The following TRAPPC8 variants were observed in gnomAD, a reference collection of about 807,000 sequenced individuals.
The protein encoded by TRAPPC8 is trafficking protein particle complex subunit 8, also known as general sporulation gene 1 homolog.
Under a neutral mutation model 174.3 loss-of-function variants are expected in TRAPPC8, and 54 were observed. The ratio of observed to expected loss-of-function variants is 0.31; its 90% CI spans 0.25 to 0.39. TRAPPC8 has a LOEUF of 0.39. TRAPPC8 is among the 10% of genes least tolerant of loss of function. The pLI, the probability that TRAPPC8 is intolerant of heterozygous loss-of-function variation, is 1.00. For missense variants in TRAPPC8, 1,531 were observed against 1,699.1 expected (o/e 0.90, Z 1.74); for synonymous variants, 630 against 579.9 (o/e 1.09, Z -1.24).
At chr18:31,901,139 T>G (rs774314401) in intron 9 of TRAPPC8, 114 bp from the exon 10 acceptor site, 90 of 801,730 alleles carry the variant, frequency 1.1e-4, no homozygotes, top group Non-Finnish European at 1.6e-4. Context: ...TGGATACACA[T>G]GTATAAACTT....
intron 12 of TRAPPC8, among the ~76,000 whole-genome samples, chr18:31,884,606 A>G (rs1166549320): frequency 1.3e-5 from 2 of 152,162 alleles, no homozygotes; most frequent in Admixed American, 6.6e-5. Context: ...TACCAAGAAA[A>G]GGCTTTTTTT....
chr18:31,909,538 A>T, intron 6 of TRAPPC8, 129 bp downstream of exon 6: 2 of 1,400,376 alleles, frequency 1.4e-6, no homozygotes, highest in Non-Finnish European at 1.8e-6. Context: ...CAGAAGAAAA[A>T]CTAACCTGCC....
Position 31,900,955 on chromosome 18 carries a change from G to C in TRAPPC8, c.1460C>G (p.Thr487Arg). 2.5e-6 allele frequency: 4 copies of C among 1,595,820 alleles called. No homozygotes were observed. Among genetic ancestry groups the C allele is most frequent in the Non-Finnish European group, 3.4e-6 (4 of 1,174,976 alleles). ...GATATCTCTGTATGTCTGAATTGCT[G>C]TATCCATGTAATGAGCAGGATATGG... The part of the protein sequence containing the change: ...PRPYPAHYMD[T>R]AIQTYRDICK... The change falls in exon 10 of 29, where the codon ACA (threonine) becomes AGA (arginine). Residue 487 changes from threonine to arginine, a missense_variant. Transcript: ENST00000283351.
chr18:31,876,926 T>TG (rs1212661698), intron 12 of TRAPPC8, among the ~76,000 whole-genome samples: 2 of 152,160 alleles, frequency 1.3e-5, no homozygotes, highest in African/African-American at 4.8e-5. Context: ...ACCACTGCCC[T>TG]GCCCAGGAAA....
At chr18:31,941,312 G>A (rs1022446827) in intron 1 of TRAPPC8, among the ~76,000 whole-genome samples, 3 of 152,124 alleles carry the variant, frequency 2.0e-5, no homozygotes, top group Admixed American at 1.3e-4. Flanking sequence ...GTATGGTGGC[G>A]CATGCCTGTA....
intron 1 of TRAPPC8, among the ~76,000 whole-genome samples, chr18:31,941,720 C>T (rs1266531499): frequency 1.3e-5 from 2 of 152,188 alleles, no homozygotes; most frequent in East Asian, 1.9e-4. Flanking sequence ...ACAAACATCA[C>T]AGTCGTTTGC....
At chr18:31,862,215 C>A (rs2145139533) in intron 19 of TRAPPC8, among the ~76,000 whole-genome samples, 1 of 152,096 alleles carries the variant, frequency 6.6e-6, no homozygotes. Context: ...AACTCCTAGG[C>A]TTTACCAATG....
At chr18:31,874,114 G>C (rs1460131479) in intron 13 of TRAPPC8, 2 of 275,276 alleles carry the variant, frequency 7.3e-6, no homozygotes, top group African/African-American at 4.4e-5. Flanking sequence ...AAAGAACATA[G>C]AATGTCCATC....
At chr18:31,871,221 T>C (rs1179120901) in intron 14 of TRAPPC8, 101 bp from the exon 15 acceptor site, 10 of 555,580 alleles carry the variant, frequency 1.8e-5, no homozygotes, top group East Asian at 9.8e-5. Context: ...TATATATATA[T>C]ACATTCACTC....
chr18:31,893,419 C>CTG (rs915962316), intron 11 of TRAPPC8, among the ~76,000 whole-genome samples: 6 of 151,426 alleles, frequency 4.0e-5, no homozygotes, highest in Admixed American at 6.6e-5. Flanking sequence ...GCGCGTGTGC[C>CTG]TGTGTGTGTG....
rs541761315 is a variant in TRAPPC8, at chr18:31,908,706, CTATT to C, written c.1122+44_1122+47del. ...ATACGTTTAATAATTCTTAAATTTA[CTATT>C]TACTTAAATTTTTAAAATACTAATC... is the stretch of plus-strand genomic sequence containing the variant. On this transcript the variant is annotated intron_variant, in intron 7 of 28. Transcript: ENST00000283351. The C allele has an allele frequency of 4.2e-6, 6 of 1,443,816 alleles. No homozygotes were observed. The African/African-American group carries it at 7.2e-5, about 17-fold the overall frequency. The allele number at this position is 1,443,816 out of a possible 1,614,324, so 89.4% of individuals were successfully genotyped here. A position where few individuals can be genotyped will look rare whatever the true frequency, so the allele number is the denominator to read the frequency against.
intron 11 of TRAPPC8, among the ~76,000 whole-genome samples, chr18:31,896,623 T>G (rs564610004): frequency 6.6e-6 from 1 of 152,192 alleles, no homozygotes; most frequent in East Asian, 1.9e-4. Flanking sequence ...TAGATAAATC[T>G]TTGTTGTTGT....
At chr18:31,924,078 G>GT (rs2037504681) in intron 2 of TRAPPC8, among the ~76,000 whole-genome samples, 1 of 152,132 alleles carries the variant, frequency 6.6e-6, no homozygotes, top group South Asian at 2.1e-4. Flanking sequence ...GATGTCAGGA[G>GT]TTTGAGACCA....
intron 11 of TRAPPC8, 72 bp downstream of exon 11, chr18:31,897,714 A>C: frequency 3.6e-6 from 4 of 1,119,170 alleles, no homozygotes; most frequent in Non-Finnish European, 4.8e-6. Flanking sequence ...AAGCCTTTCA[A>C]GAAAAAAGAT....
intron 24 of TRAPPC8, among the ~76,000 whole-genome samples, chr18:31,850,965 C>T (rs1180499823): frequency 6.6e-6 from 1 of 152,054 alleles, no homozygotes; most frequent in Non-Finnish European, 1.5e-5. Flanking sequence ...TCAGGAAGCA[C>T]AGTATCTCTG....
chr18:31,852,762 T>C, intron 22 of TRAPPC8, 99 bp from the exon 23 acceptor site: 1 of 921,326 alleles, frequency 1.1e-6, no homozygotes, highest in Non-Finnish European at 1.7e-6. Flanking sequence ...TAGAAAATAA[T>C]TCGTAATTAT....
chr18:31,930,905 A>G (rs2037818809), intron 2 of TRAPPC8, among the ~76,000 whole-genome samples: 1 of 152,210 alleles, frequency 6.6e-6, no homozygotes, highest in Non-Finnish European at 1.5e-5. Flanking sequence ...ATGTACATAT[A>G]TGATTTTACC....
At chr18:31,855,037 T>C (rs1409701298) in intron 21 of TRAPPC8, among the ~76,000 whole-genome samples, 1 of 148,102 alleles carries the variant, frequency 6.8e-6, no homozygotes, top group Non-Finnish European at 1.5e-5. Context: ...CTGTCTCTAC[T>C]AAAAATACAA....
chr18:31,877,943 G>A (rs1035045980), intron 12 of TRAPPC8, among the ~76,000 whole-genome samples: 25 of 144,840 alleles, frequency 1.7e-4, no homozygotes, highest in Non-Finnish European at 3.2e-4. Context: ...AAAAAAAAAA[G>A]TGACCCCATG....
Sources: allele counts gnomAD v4.1 joint callset (sites outside exome capture counted in the v4.1 genomes callset), GRCh38; gene constraint gnomAD v4.1.1; transcripts MANE v1.5; gene names NCBI Gene and HGNC (gene_info 2026-07-23, HGNC 2026-07-21).